Variants in TLCD3B observed in about 807,000 individuals in gnomAD.
The protein encoded by TLCD3B is ceramide synthase.
Under a neutral mutation model 23.0 loss-of-function variants are expected in TLCD3B, and 9 were observed. The ratio of observed to expected loss-of-function variants is 0.39; its 90% CI spans 0.24 to 0.68. The LOEUF is 0.68. TLCD3B is among the 30% of genes least tolerant of loss of function. The probability of loss-of-function intolerance (pLI) is 0.44; values close to 1 mark genes in which losing one functional copy is unlikely to be tolerated. For synonymous variants in TLCD3B, 161 were observed against 161.0 expected, an observed-to-expected ratio of 1.00 and a Z score of 0.00; for missense variants, 307 against 371.8, an observed-to-expected ratio of 0.83 and a Z score of 1.43.
rs144061598 is a variant in TLCD3B, at chr16:30,047,175, A to G, written c.-293-788T>C. ...TGTCTGTCTGTCTGTCTGTCTATCT[A>G]TCTATCTATCTATCTATCTAGCGCA... On this transcript the variant is annotated intron_variant, in intron 1 of 6. Coordinates refer to the TLCD3B transcript ENST00000561666. 8.7e-3 allele frequency among the ~76,000 whole-genome samples: 1,324 copies of G among 151,674 alleles called. 14 individuals are homozygous for G. The highest frequency in any genetic ancestry group is 0.03 in the African/African-American group (1,237 of 41,242).
At chr16:30,035,524 C>T (rs778412693), upstream of TLCD3B, 1 of 1,286,668 alleles carries the variant, frequency 7.8e-7, no homozygotes, top group South Asian at 1.2e-5. Context: ...GAGAACACCT[C>T]AACACAACAC....
intron 3 of TLCD3B, among the ~76,000 whole-genome samples, chr16:30,039,890 T>C (rs1443720708): frequency 6.6e-6 from 1 of 151,602 alleles, no homozygotes; most frequent in East Asian, 2.0e-4. Flanking sequence ...TCCCAGCACT[T>C]TGGGAGGCAG....
intron 2 of TLCD3B, among the ~76,000 whole-genome samples, chr16:30,044,179 T>TAG (rs1370124844): frequency 6.6e-6 from 1 of 151,598 alleles, no homozygotes. Flanking sequence ...GTATTTTTAG[T>TAG]AGAGATGGGG....
Position 30,026,627 on chromosome 16 carries a change from C to T in TLCD3B, c.426G>A (p.Val142=), listed in dbSNP as rs773342936. The change falls in exon 3 of 5, where the codon GTG becomes GTA. Residue 142 remains valine (V), a synonymous_variant. Transcript: ENST00000380495. ...GACTCACCACTGAGAGTGGGAAGCACACCAGCACCATGGCGGCATGGTGGA... is the reference window on the plus strand; with the variant it reads ...GACTCACCACTGAGAGTGGGAAGCATACCAGCACCATGGCGGCATGGTGGA... ...MVLHHAAMVL[V]CFPLSVVWRQ... 1.2e-6 allele frequency: 2 copies of T among 1,613,618 alleles called. No homozygotes were observed. Among genetic ancestry groups the T allele is most frequent in the South Asian group, 1.1e-5 (1 of 91,050 alleles).
Position 30,030,713 on chromosome 16 carries a change from G to A in TLCD3B, c.-186C>T, listed in dbSNP as rs1405418888. 5 of 1,220,634 alleles carry A rather than the reference G, an allele frequency of 4.1e-6. No homozygotes were observed. In the African/African-American group the frequency reaches 4.9e-5, roughly 12 times the overall value. The allele number at this position is 1,220,634 out of a possible 1,614,324, so 75.6% of individuals were successfully genotyped here. ...GGGAGTCCGATGAAACTGGGGAGTC[G>A]GGAGGGGGCTGGCTGGGCAGAGACG... On this transcript the variant is annotated 5_prime_UTR_variant, in exon 1 of 5. Transcript: ENST00000380495.
In TLCD3B at chr16:30,026,708, C is replaced by T. The variant is rs146159239; in HGVS notation, c.345G>A (p.Pro115=). ...HGGDDGAARA[P]GSTWAIARGY... ...CACGCGCTATGGCCCACGTGCTGCC[C>T]GGGGCTCTGGCCGCTCCGTCGTCCC... Residue 115 remains proline (P), a synonymous_variant, in exon 3 of 5, where the codon CCG becomes CCA. Transcript: ENST00000380495. The T allele has an allele frequency of 1.7e-5, 27 of 1,613,842 alleles. No homozygotes were observed. Among genetic ancestry groups the T allele is most frequent in the African/African-American group, 2.7e-5 (2 of 74,932 alleles).
rs573135287 is a variant in TLCD3B, at chr16:30,029,700, C to T, written c.126-185G>A. Among the ~76,000 whole-genome samples the T allele has an allele frequency of 4.6e-5, 7 of 152,346 alleles. No individual in the cohort carries two copies. Among genetic ancestry groups the T allele is most frequent in the South Asian group, 2.1e-4 (1 of 4,826 alleles). ...CCACCACAGGTACCTCACGGCTCTC[C>T]GGCCCGCTCGGCTGCTGTTCCTCAG... On this transcript the variant is annotated intron_variant, in intron 1 of 4. Transcript: ENST00000380495. The surrounding 1 kb of genome is among the most constrained non-coding windows in gnomAD (Gnocchi z 4.6).
Position 30,025,084 on chromosome 16 carries a change from C to T in TLCD3B, c.*99G>A, listed in dbSNP as rs556741158. 5.1e-5 allele frequency: 41 copies of T among 811,050 alleles called. No homozygotes were observed. In the Admixed American group the frequency reaches 5.3e-4, roughly 11 times the overall value. The allele number at this position is 811,050 out of a possible 1,614,324, so 50.2% of individuals were successfully genotyped here. A position where few individuals can be genotyped will look rare whatever the true frequency, so the allele number is the denominator to read the frequency against. On this transcript the variant is annotated 3_prime_UTR_variant, in exon 5 of 5. Transcript: ENST00000380495. The surrounding 1 kb of genome is among the most constrained non-coding windows in gnomAD (Gnocchi z 4.1). ...GGTCATCGTCAGTCCTGGGGTTGTC[C>T]GGGCAAGAGGACCCTGGCTCCCAAC... is the stretch of plus-strand genomic sequence containing the variant.
In TLCD3B at chr16:30,039,328, G is replaced by A. The variant is rs984823557; in HGVS notation, c.-67+1667C>T. 4.6e-5 allele frequency among the ~76,000 whole-genome samples: 7 copies of A among 151,986 alleles called. No homozygotes were observed. In the South Asian group the frequency reaches 1.5e-3, roughly 32 times the overall value. On this transcript the variant is annotated intron_variant, in intron 3 of 6. Transcript: ENST00000561666. ...AGTAGATATGGGGTTTCTCCCTGTT[G>A]GTCAGGCTGGTCTCGAACTCCTGAT...
At chr16:30,031,793 T>C (rs558625518), upstream of TLCD3B, among the ~76,000 whole-genome samples, 116 of 152,306 alleles carry the variant, frequency 7.6e-4, no homozygotes, top group African/African-American at 2.7e-3. Context: ...CCGAGGTCAC[T>C]GCGTCTGTCC....
In TLCD3B at chr16:30,024,600, G is replaced by A. The variant is rs2071012794; in HGVS notation, c.*583C>T. 3.4e-6 allele frequency: 1 copy of A among 298,044 alleles called. No individual in the cohort carries two copies. Among genetic ancestry groups the A allele is most frequent in the Non-Finnish European group, 6.2e-6 (1 of 160,284 alleles). The allele number at this position is 298,044 out of a possible 1,614,324, so 18.5% of individuals were successfully genotyped here. On this transcript the variant is annotated 3_prime_UTR_variant, in exon 5 of 5. Transcript: ENST00000380495. ...CTGGGCGCCCTCGCCTGCCCCCGGG[G>A]TTGTCAGCACTGGGAAGGCTTGGGG...
chr16:30,043,861 T>G (rs2071615009), intron 2 of TLCD3B, among the ~76,000 whole-genome samples: 1 of 151,648 alleles, frequency 6.6e-6, no homozygotes, highest in Non-Finnish European at 1.5e-5. Flanking sequence ...ATTTTTTGTA[T>G]TTTTGGTAGA....
intron 3 of TLCD3B, among the ~76,000 whole-genome samples, chr16:30,038,082 G>A (rs2071507937): frequency 6.6e-6 from 1 of 152,088 alleles, no homozygotes; most frequent in African/African-American, 2.4e-5. Flanking sequence ...AAACATTCTC[G>A]AGGCATCCTC....
chr16:30,034,067 G>A (rs981924852), upstream of TLCD3B, among the ~76,000 whole-genome samples: 1 of 151,788 alleles, frequency 6.6e-6, no homozygotes, highest in Non-Finnish European at 1.5e-5. Flanking sequence ...GAGCCCAGGA[G>A]TTCAAGACCA....
At chr16:30,049,566 G>A (rs1370234290) in intron 1 of TLCD3B, among the ~76,000 whole-genome samples, 6 of 152,132 alleles carry the variant, frequency 3.9e-5, no homozygotes, top group Admixed American at 6.6e-5. Flanking sequence ...GAGACTTTGC[G>A]GTTAGCTGGC....
intron 2 of TLCD3B, among the ~76,000 whole-genome samples, chr16:30,044,862 G>T (rs1052529101): frequency 1.3e-5 from 2 of 151,936 alleles, no homozygotes; most frequent in East Asian, 1.9e-4. Context: ...CGGCGGGGGG[G>T]TGCGGATTAA....
In TLCD3B at chr16:30,024,733, T is replaced by A. The variant is rs1440288734; in HGVS notation, c.*450A>T. ...GGCCTACCCTGGAGAGGAGCCGTGG[T>A]TGCAGCCGGCCACTCGGGAGGCCCG... On this transcript the variant is annotated 3_prime_UTR_variant, in exon 5 of 5. Transcript: ENST00000380495. The A allele has an allele frequency of 1.1e-5, 2 of 186,876 alleles. No individual in the cohort carries two copies. Among genetic ancestry groups the A allele is most frequent in the Non-Finnish European group, 2.2e-5 (2 of 92,110 alleles). 11.6% of individuals were successfully genotyped at this position (186,876 alleles called of 1,614,324 possible). A position where few individuals can be genotyped will look rare whatever the true frequency, so the allele number is the denominator to read the frequency against.
rs2071299475 is a variant in TLCD3B, at chr16:30,029,814, G to A, written c.126-299C>T. ...AAGCCCGCAGGGTGTCTGTCCTGAG[G>A]TGAGACTGAGAGTGAACTGCTGGCC... On this transcript the variant is annotated intron_variant, in intron 1 of 4. Coordinates refer to ENST00000380495, the MANE Select transcript of TLCD3B (RefSeq NM_031478.6). This position sits in a 1 kb window ranked among gnomAD's most constrained non-coding sequence, Gnocchi z 4.6. Among the ~76,000 whole-genome samples the A allele has an allele frequency of 6.6e-6, 1 of 152,226 alleles. No homozygotes were observed. The highest frequency in any genetic ancestry group is 1.5e-5 in the Non-Finnish European group (1 of 68,034).
rs1250627523 is a variant in TLCD3B at position 30,024,797 on chromosome 16, G to A, written c.*386C>T. 1.4e-5 allele frequency: 3 copies of A among 217,028 alleles called. No homozygotes were observed. In the East Asian group the frequency reaches 3.4e-4, roughly 24 times the overall value. The allele number at this position is 217,028 out of a possible 1,614,324, so 13.4% of individuals were successfully genotyped here. ...GTTAGTTGGGGCGTCCTCTCCTCTC[G>A]GGTGATGGGGAGCCCTGGGGGATGG... On this transcript the variant is annotated 3_prime_UTR_variant, in exon 5 of 5. Coordinates refer to ENST00000380495, the MANE Select transcript of TLCD3B (RefSeq NM_031478.6).
Sources: gnomAD v4.1 joint callset for allele counts (sites outside exome capture counted in the v4.1 genomes callset) on GRCh38, gnomAD v4.1.1 for gene constraint, Gnocchi (gnomAD v3.1) non-coding constraint, MANE v1.5 for transcripts, NCBI Gene and HGNC (gene_info 2026-07-23, HGNC 2026-07-21) for gene names.